Variants in USH2A observed in about 807,000 individuals in gnomAD.
The protein encoded by USH2A is usherin.
A neutral mutation model predicts 538.9 loss-of-function variants in USH2A; 443 were observed. The observed-to-expected ratio is 0.82, with a 90% confidence interval of 0.76 to 0.89. The LOEUF is 0.89. USH2A is among the 40% of genes least tolerant of loss of function. The pLI is 0.00. For synonymous variants in USH2A, 2,413 were observed against 2,273.5 expected (o/e 1.06, Z -1.75); for missense variants, 6,633 against 6,324.8 (o/e 1.05, Z -1.65).
chr1:215,990,511 T>C (rs1290320945), intron 35 of USH2A, among the ~76,000 whole-genome samples: 3 of 152,216 alleles, frequency 2.0e-5, no homozygotes, highest in African/African-American at 4.8e-5. Flanking sequence ...TAATGATTTA[T>C]GGTCCTTAGC....
At chr1:216,039,488 T>C (rs2030166157) in intron 32 of USH2A, among the ~76,000 whole-genome samples, 1 of 152,044 alleles carries the variant, frequency 6.6e-6, no homozygotes, top group South Asian at 2.1e-4. Flanking sequence ...CTCTGCTTTA[T>C]TAATATTAGA....
chr1:215,743,202 C>G lies in USH2A; in HGVS notation c.11523G>C (p.Glu3841Asp). 4 of 1,611,644 alleles carry G rather than the reference C, an allele frequency of 2.5e-6. No homozygotes were observed. Among genetic ancestry groups the G allele is most frequent in the South Asian group, 2.2e-5 (2 of 91,034 alleles). Reference sequence around the variant, plus strand: ...CATTTTGACATGCTTGTATCCTTATCTCATACTGTGTGAATGGAGTCAAAT... The same window carrying G: ...CATTTTGACATGCTTGTATCCTTATGTCATACTGTGTGAATGGAGTCAAAT... ...LENLTPFTQYEIRIQACQNGS... is the reference protein window; with the variant it reads ...LENLTPFTQYDIRIQACQNGS... The change falls in exon 59 of 72, where the codon GAG becomes GAC. Residue 3841 changes from glutamate (E) to aspartate (D), a missense_variant. Transcript: ENST00000307340.
intron 61 of USH2A, among the ~76,000 whole-genome samples, chr1:215,709,797 A>C (rs969169898): frequency 6.6e-6 from 1 of 152,224 alleles, no homozygotes; most frequent in Non-Finnish European, 1.5e-5. Flanking sequence ...TAAAATGTGT[A>C]TGTCACAAAA....
At position 215,768,168 on chromosome 1, in the gene USH2A, T is replaced by G. The variant is rs543008510; in HGVS notation, c.10940-1380A>C. Among the ~76,000 whole-genome samples, 8 of 152,288 alleles carry G rather than the reference T, an allele frequency of 5.3e-5. 1 individual carries two copies. The South Asian group carries it at 1.7e-3, about 32-fold the overall frequency. On this transcript the variant is annotated intron_variant, in intron 55 of 71. Coordinates refer to ENST00000307340, the MANE Select transcript of USH2A (RefSeq NM_206933.4). ...TTTATCTAAACAATCCACCCATCCC[T>G]TTTTATCCCCTCACATAATTTTCTT... is the stretch of plus-strand genomic sequence containing the variant.
Position 215,674,132 on chromosome 1 carries a change from T to C in USH2A, c.13779A>G (p.Ser4593=), listed in dbSNP as rs770551029. 1.2e-6 allele frequency: 2 copies of C among 1,614,196 alleles called. No homozygotes were observed. The highest frequency in any genetic ancestry group is 1.1e-5 in the South Asian group (1 of 91,078). ...NTTHNSFGMQ[S]YIVNQLKPFH... ...ATGGCTTCAGCTGGTTTACTATATA[T>C]GACTGCATACCAAAAGAATTATGAG... Residue 4593 remains serine, a synonymous_variant, in exon 63 of 72, where the codon TCA becomes TCG. Transcript: ENST00000307340.
intron 49 of USH2A, among the ~76,000 whole-genome samples, chr1:215,811,229 T>G (rs1050778023): frequency 9.2e-5 from 14 of 152,326 alleles, no homozygotes; most frequent in East Asian, 3.9e-4. Context: ...AACTTGCTCC[T>G]TGCTTGGGGG....
chr1:215,879,931 A>T lies in USH2A; in HGVS notation c.8224-833T>A, dbSNP rs1281562253. On this transcript the variant is annotated intron_variant, in intron 41 of 71. Coordinates refer to ENST00000307340, the MANE Select transcript of USH2A (RefSeq NM_206933.4). ...CATGTTATCCTCTTTCATCTCTTTT[A>T]TTGGTACCTTCTAGTGCTCTTTATA... Among the ~76,000 whole-genome samples the T allele has an allele frequency of 2.6e-5, 4 of 152,122 alleles. No homozygotes were observed. The East Asian group carries it at 7.7e-4, about 29-fold the overall frequency.
At chr1:216,298,985 C>T (rs1394000583) in intron 9 of USH2A, among the ~76,000 whole-genome samples, 1 of 152,056 alleles carries the variant, frequency 6.6e-6, no homozygotes. Flanking sequence ...GAACTACAGG[C>T]ACCTGCCACC....
rs375656256 is a variant in USH2A at position 216,246,996 on chromosome 1, C to T, written c.2398G>A (p.Ala800Thr). ...CAGACAGTCCCAGGGAGGGATCCAG[C>T]TGTGTCACAGTCACAGGCCTTACAA... The part of the protein sequence containing the change: ...TNCKACDCDT[A>T]GSLPGTVCNA... Residue 800 changes from alanine (A) to threonine (T), a missense_variant, in exon 13 of 72, where the codon GCT becomes ACT. Coordinates refer to ENST00000307340, the MANE Select transcript of USH2A (RefSeq NM_206933.4). The T allele has an allele frequency of 8.1e-6, 13 of 1,613,962 alleles. No homozygotes were observed. In the African/African-American group the frequency reaches 1.6e-4, roughly 20 times the overall value.
chr1:215,674,967 G>A lies in USH2A; in HGVS notation c.12944C>T (p.Thr4315Ile), dbSNP rs754854599. 3.2e-5 allele frequency: 52 copies of A among 1,614,068 alleles called. 1 individual carries two copies. In the South Asian group the frequency reaches 5.4e-4, roughly 17 times the overall value. Reference sequence around the variant, plus strand: ...AAGCTCTTCATCAGTGTAATTGAAAGTCACAGGATCAAAGCTAAAAGGATA... The same window carrying A: ...AAGCTCTTCATCAGTGTAATTGAAAATCACAGGATCAAAGCTAAAAGGATA... ...MLYPFSFDPV[T>I]FNYTDEELLP... Residue 4315 changes from threonine to isoleucine, a missense_variant, in exon 63 of 72, where the codon ACT (threonine) becomes ATT (isoleucine). Thr to Ile is a moderately conservative substitution (Grantham distance 89, BLOSUM62 -1). Transcript: ENST00000307340.
At chr1:215,738,631 A>C (rs1048906761) in intron 60 of USH2A, among the ~76,000 whole-genome samples, 3 of 152,202 alleles carry the variant, frequency 2.0e-5, no homozygotes. Flanking sequence ...TATTTAAAAA[A>C]TAAAGGACAG....
intron 44 of USH2A, among the ~76,000 whole-genome samples, chr1:215,848,118 G>C (rs781437216): frequency 1.3e-5 from 2 of 152,152 alleles, no homozygotes; most frequent in Non-Finnish European, 2.9e-5. Context: ...TTTCCTGAAT[G>C]ATAATATTCG....
At chr1:216,357,546 G>A (rs2038412112) in intron 4 of USH2A, among the ~76,000 whole-genome samples, 1 of 152,030 alleles carries the variant, frequency 6.6e-6, no homozygotes, top group Non-Finnish European at 1.5e-5. Context: ...CAGAAAGGAA[G>A]GCAAGTAGGA....
chr1:216,241,538 G>GGTT (rs1558338306), intron 13 of USH2A, among the ~76,000 whole-genome samples: 1 of 142,586 alleles, frequency 7.0e-6, no homozygotes, highest in Non-Finnish European at 1.5e-5. Context: ...TTGTCTTTTT[G>GGTT]TTTTTTTTTT....
At chr1:216,028,735 A>G (rs1290151033) in intron 32 of USH2A, among the ~76,000 whole-genome samples, 1 of 152,158 alleles carries the variant, frequency 6.6e-6, no homozygotes, top group Non-Finnish European at 1.5e-5. Context: ...AAATAGGAAG[A>G]AGAATATATC....
At chr1:215,715,218 T>C (rs917375953) in intron 61 of USH2A, among the ~76,000 whole-genome samples, 1 of 152,220 alleles carries the variant, frequency 6.6e-6, no homozygotes, top group African/African-American at 2.4e-5. Context: ...AGCTCCCACT[T>C]ACAAGTGAGA....
chr1:215,854,647 A>C (rs1007983306), intron 44 of USH2A, among the ~76,000 whole-genome samples: 5 of 152,202 alleles, frequency 3.3e-5, no homozygotes, highest in Admixed American at 1.3e-4. Flanking sequence ...CTTCCAGTCC[A>C]CGGCAAAGTG....
intron 21 of USH2A, among the ~76,000 whole-genome samples, chr1:216,168,061 G>GT (rs2034204991): frequency 1.3e-5 from 2 of 152,018 alleles, no homozygotes; most frequent in Admixed American, 6.6e-5. Flanking sequence ...ATTTTTAAAT[G>GT]TTTTAACTAA....
At chr1:215,696,470 C>T (rs1163028167) in intron 61 of USH2A, among the ~76,000 whole-genome samples, 1 of 152,198 alleles carries the variant, frequency 6.6e-6, no homozygotes, top group Non-Finnish European at 1.5e-5. Context: ...TGGCACTTCT[C>T]TCTCTTTTCC....
Sources: allele counts gnomAD v4.1 joint callset (sites outside exome capture counted in the v4.1 genomes callset), GRCh38; gene constraint gnomAD v4.1.1; transcripts MANE v1.5; gene names NCBI Gene and HGNC (gene_info 2026-07-23, HGNC 2026-07-21).